Variants in ZNF652 observed in about 807,000 individuals in gnomAD.
ZNF652 encodes the protein zinc finger protein 652.
ZNF652 carries 16 observed loss-of-function variants against 45.2 expected under a neutral mutation model. That is an observed-to-expected ratio of 0.35 (90% CI 0.24 to 0.54). ZNF652 has a LOEUF of 0.54. Among genes scored for constraint, ZNF652 ranks in the 20% least tolerant of loss-of-function variants. ZNF652 has a pLI of 0.91. For missense variants in ZNF652, 614 were observed against 765.6 expected (o/e 0.80, Z 2.34); for synonymous variants, 250 against 260.6 (o/e 0.96, Z 0.39).
chr17:49,307,650 G>C (rs369601054), intron 5 of ZNF652, among the ~76,000 whole-genome samples: 3 of 151,626 alleles, frequency 2.0e-5, no homozygotes, highest in Non-Finnish European at 2.9e-5. Context: ...TACTCAGGAG[G>C]TTGAAGCAGG....
chr17:49,332,714 C>CA lies in ZNF652; in HGVS notation c.-258-14732dup, dbSNP rs555969738. Among the ~76,000 whole-genome samples the CA allele has an allele frequency of 2.1e-4, 32 of 152,280 alleles. No individual in the cohort carries two copies. The South Asian group carries it at 3.7e-3, about 18-fold the overall frequency. Reference sequence around the variant, plus strand: ...CAGGCTGGTCTCAAACTCCTGGCCTCAAATGATCCTCCTGCCTTGGACTCC... The same window carrying CA: ...CAGGCTGGTCTCAAACTCCTGGCCTCAAAATGATCCTCCTGCCTTGGACTCC... On this transcript the variant is annotated intron_variant, in intron 1 of 5. Transcript: ENST00000430262.
intron 1 of ZNF652, among the ~76,000 whole-genome samples, chr17:49,325,574 C>A (rs1448403579): frequency 1.3e-5 from 2 of 151,562 alleles, no homozygotes; most frequent in Non-Finnish European, 2.9e-5. Flanking sequence ...ATGGTTACAA[C>A]AAACCTTCAA....
At position 49,350,988 on chromosome 17, in the gene ZNF652, TATATATATATATATATATATATATATAC is replaced by T. The variant is rs1185486784; in HGVS notation, c.-259+10893_-259+10920del. On this transcript the variant is annotated intron_variant, in intron 1 of 5. Transcript: ENST00000430262. ...CTGTCTACATATATATATATATATA[TATATATATATATATATATATATATATAC>T]ACACACACACACACACACACACACA... 5.6e-3 allele frequency among the ~76,000 whole-genome samples: 177 copies of T among 31,596 alleles called. 3 individuals carry two copies. The highest frequency in any genetic ancestry group is 0.029 in the South Asian group (38 of 1,306). 20.7% of individuals were successfully genotyped at this position (31,596 alleles called of 152,430 possible). A position where few individuals can be genotyped will look rare whatever the true frequency, so the allele number is the denominator to read the frequency against.
chr17:49,359,679 A>G (rs1444813083), intron 1 of ZNF652, among the ~76,000 whole-genome samples: 3 of 152,218 alleles, frequency 2.0e-5, no homozygotes, highest in Admixed American at 2.0e-4. Flanking sequence ...AAACAAAAAT[A>G]GCTGATATTT....
At chr17:49,313,100 A>T (rs2069739953) in intron 2 of ZNF652, among the ~76,000 whole-genome samples, 1 of 152,218 alleles carries the variant, frequency 6.6e-6, no homozygotes, top group Admixed American at 6.5e-5. Context: ...TTCCACTAAC[A>T]TCAAAGAATT....
chr17:49,320,860 AT>A (rs1028478432), intron 1 of ZNF652, among the ~76,000 whole-genome samples: 1 of 136,738 alleles, frequency 7.3e-6, no homozygotes. Flanking sequence ...ATGGTAGGCT[AT>A]TTTTTTTTGG....
rs762575851 is a variant in ZNF652 at position 49,317,183 on chromosome 17, T to C, written c.543A>G (p.Ile181Met). ...ENEKQKKKEKIVEKVSVTQRR... is the reference protein window; with the variant it reads ...ENEKQKKKEKMVEKVSVTQRR... ...TTTGTGTAACGCTGACTTTCTCTAC[T>C]ATCTTCTCCTTTTTCTTCTGCTTTT... Residue 181 changes from isoleucine (I) to methionine (M), a missense_variant, in exon 2 of 6, where the codon ATA becomes ATG. Ile to Met is a conservative substitution (Grantham distance 10, BLOSUM62 1). This residue lies in a region of ZNF652 where 262 missense variants were observed against 306.3 expected (regional missense o/e 0.86). Transcript: ENST00000430262. 1 of 1,613,802 alleles carries C rather than the reference T, an allele frequency of 6.2e-7. No homozygotes were observed. The highest frequency in any genetic ancestry group is 1.1e-5 in the South Asian group (1 of 91,080).
rs185016161 is a variant in ZNF652 at position 49,327,429 on chromosome 17, G to A, written c.-258-9446C>T. 2.0e-3 allele frequency among the ~76,000 whole-genome samples: 301 copies of A among 151,924 alleles called. 1 individual carries two copies. Among genetic ancestry groups the A allele is most frequent in the African/African-American group, 7.0e-3 (290 of 41,466 alleles). On this transcript the variant is annotated intron_variant, in intron 1 of 5. Coordinates refer to ENST00000430262, the MANE Select transcript of ZNF652 (RefSeq NM_001145365.3). ...GCTGTCTCAGCCTCCCAAAGTGCTG[G>A]CATTACAAGCGTGAGCCACTGCGCC...
At chr17:49,318,712 C>G (rs571418616) in intron 1 of ZNF652, among the ~76,000 whole-genome samples, 2 of 152,268 alleles carry the variant, frequency 1.3e-5, no homozygotes, top group African/African-American at 4.8e-5. Context: ...CACGCAAGAG[C>G]TTTATATTGG....
At chr17:49,352,797 A>G (rs2070295978) in intron 1 of ZNF652, among the ~76,000 whole-genome samples, 1 of 152,216 alleles carries the variant, frequency 6.6e-6, no homozygotes, top group African/African-American at 2.4e-5. Flanking sequence ...TTACCTGGCA[A>G]TAAAAAGGAA....
chr17:49,313,204 G>A (rs770618000), intron 2 of ZNF652, among the ~76,000 whole-genome samples: 11 of 152,152 alleles, frequency 7.2e-5, no homozygotes, highest in South Asian at 2.1e-4. Flanking sequence ...CGCCCAGGCC[G>A]GAGTGCAGTG....
rs66568404 is a variant in ZNF652, at chr17:49,336,965, T to TTTTTTTA, written c.-258-18983_-258-18982insTAAAAAA. On this transcript the variant is annotated intron_variant, in intron 1 of 5. Coordinates refer to ENST00000430262, the MANE Select transcript of ZNF652 (RefSeq NM_001145365.3). Reference sequence around the variant, plus strand: ...GTGTTTTTTTTTTTTTTTTTTTTTTTAAGTATGTAAGTCACAGGTTGAGTG... The same window carrying TTTTTTTA: ...GTGTTTTTTTTTTTTTTTTTTTTTTTTTTTTTAAAGTATGTAAGTCACAGGTTGAGTG... 1.2e-3 allele frequency among the ~76,000 whole-genome samples: 141 copies of TTTTTTTA among 114,690 alleles called. 1 individual carries two copies. The highest frequency in any genetic ancestry group is 2.1e-3 in the African/African-American group (64 of 30,824). The allele number at this position is 114,690 out of a possible 152,430, so 75.2% of individuals were successfully genotyped here.
chr17:49,293,174 A>T lies in ZNF652; in HGVS notation c.*5239T>A, dbSNP rs2069426033. Among the ~76,000 whole-genome samples the T allele has an allele frequency of 6.6e-6, 1 of 152,238 alleles. No individual in the cohort carries two copies. Among genetic ancestry groups the T allele is most frequent in the Non-Finnish European group, 1.5e-5 (1 of 68,028 alleles). Reference sequence around the variant, plus strand: ...GCAGAAAGAAAGCCACCTTGTAAGTAGTTTCTTACTACAATACAGATTCTA... The same window carrying T: ...GCAGAAAGAAAGCCACCTTGTAAGTTGTTTCTTACTACAATACAGATTCTA... On this transcript the variant is annotated 3_prime_UTR_variant, in exon 6 of 6. Transcript: ENST00000430262.
chr17:49,326,777 T>C (rs1408368078), intron 1 of ZNF652, among the ~76,000 whole-genome samples: 1 of 152,212 alleles, frequency 6.6e-6, no homozygotes, highest in East Asian at 1.9e-4. Context: ...CTATTCACTA[T>C]TGTAATGTAT....
At chr17:49,309,501 C>G (rs1273759871) in intron 5 of ZNF652, among the ~76,000 whole-genome samples, 33 of 150,440 alleles carry the variant, frequency 2.2e-4, no homozygotes, top group Non-Finnish European at 5.9e-5. Context: ...GAGCAAGACT[C>G]CATCTCGGAA....
downstream of ZNF652, among the ~76,000 whole-genome samples, chr17:49,288,131 C>T (rs1221682293): frequency 6.6e-6 from 1 of 150,422 alleles, no homozygotes; most frequent in Non-Finnish European, 1.5e-5. Flanking sequence ...TTTCTTGAAC[C>T]TTTTATTCAC....
At chr17:49,357,071 G>A (rs1049866742) in intron 1 of ZNF652, among the ~76,000 whole-genome samples, 4 of 151,814 alleles carry the variant, frequency 2.6e-5, no homozygotes, top group Admixed American at 2.0e-4. Flanking sequence ...GGCTGACGTG[G>A]GCAGATCACA....
intron 5 of ZNF652, among the ~76,000 whole-genome samples, chr17:49,308,339 G>C (rs1043862762): frequency 3.3e-5 from 5 of 151,828 alleles, no homozygotes; most frequent in Non-Finnish European, 5.9e-5. Context: ...CACCACCCCT[G>C]CCTAACTTTT....
chr17:49,348,957 G>T (rs1213979559), intron 1 of ZNF652, among the ~76,000 whole-genome samples: 1 of 151,854 alleles, frequency 6.6e-6, no homozygotes, highest in Admixed American at 6.6e-5. Flanking sequence ...GAATGAAACT[G>T]AATGAAAAAG....
Sources: allele counts gnomAD v4.1 joint callset (sites outside exome capture counted in the v4.1 genomes callset), GRCh38; gene constraint gnomAD v4.1.1; regional missense constraint gnomAD v4.1.1; transcripts MANE v1.5; gene names NCBI Gene and HGNC (gene_info 2026-07-23, HGNC 2026-07-21).